The following PPP2R5A variants were observed in gnomAD, a reference collection of about 807,000 sequenced individuals.
PPP2R5A encodes serine/threonine-protein phosphatase 2A 56 kDa regulatory subunit alpha isoform.
In PPP2R5A, 25 loss-of-function variants were observed where a neutral mutation model predicts 64.2. The observed-to-expected ratio is 0.39, with a 90% CI of 0.28 to 0.54. The LOEUF (loss-of-function observed/expected upper bound fraction) is 0.54. PPP2R5A is among the 20% of genes least tolerant of loss of function. The pLI is 0.67. For missense variants in PPP2R5A, 425 were observed against 576.3 expected, an observed-to-expected ratio of 0.74 and a Z score of 2.69; for synonymous variants, 198 against 201.2, an observed-to-expected ratio of 0.98 and a Z score of 0.13.
rs1659174609 is a variant in PPP2R5A at position 212,317,314 on chromosome 1, A to AC, written c.182-11820dup. Among the ~76,000 whole-genome samples, 3 of 146,260 alleles carry AC rather than the reference A, an allele frequency of 2.1e-5. No homozygotes were observed. The Admixed American group carries it at 2.1e-4, about 10-fold the overall frequency. ...AAATTGCCATTTTTAACTGATATGTACTGTGAATCTCTAATGGGTAACGAT... is the reference window on the plus strand; with the variant it reads ...AAATTGCCATTTTTAACTGATATGTACCTGTGAATCTCTAATGGGTAACGAT... On this transcript the variant is annotated intron_variant, in intron 1 of 12. Transcript: ENST00000261461.
intron 12 of PPP2R5A, among the ~76,000 whole-genome samples, 191 bp from the exon 13 acceptor site, chr1:212,360,447 C>T (rs1032279071): frequency 1.3e-5 from 2 of 152,124 alleles, no homozygotes; most frequent in Non-Finnish European, 2.9e-5. Flanking sequence ...ACAGGAGATG[C>T]ACAGACTCAG....
intron 5 of PPP2R5A, among the ~76,000 whole-genome samples, chr1:212,346,192 A>AGGTCTATGTACTGTATGTACGT (rs1441260779): frequency 3.3e-5 from 5 of 151,876 alleles, no homozygotes; most frequent in African/African-American, 4.8e-5. Context: ...AGTAGAGACA[A>AGGTCTATGTACTGTATGTACGT]GGTCTATGTA....
At chr1:212,321,138 G>A (rs1185888085) in intron 1 of PPP2R5A, among the ~76,000 whole-genome samples, 1 of 143,530 alleles carries the variant, frequency 7.0e-6, no homozygotes, top group Non-Finnish European at 1.5e-5. Context: ...CAGTAGGGGC[G>A]GCCGGCAGAG....
At chr1:212,335,126 T>C (rs1659570806) in intron 3 of PPP2R5A, among the ~76,000 whole-genome samples, 1 of 152,108 alleles carries the variant, frequency 6.6e-6, no homozygotes, top group African/African-American at 2.4e-5. Context: ...TTGCTGATTT[T>C]TTTTTAATTT....
chr1:212,348,685 C>A (rs986185648), intron 7 of PPP2R5A, among the ~76,000 whole-genome samples, 188 bp downstream of exon 7: 2 of 152,204 alleles, frequency 1.3e-5, no homozygotes, highest in Non-Finnish European at 2.9e-5. Context: ...TATTTAATTT[C>A]TATATCTACA....
At position 212,297,093 on chromosome 1, in the gene PPP2R5A, C is replaced by CCTCTTTTTTTTTTTTTT. The variant is rs1558138694; in HGVS notation, c.181+10802_181+10803insCTCTTTTTTTTTTTTTT. ...ACGTTTCTTTTCTTTTTCTTTGCTT[C>CCTCTTTTTTTTTTTTTT]TTCTTTTTTTTTTTTTTTTTTTTTT... On this transcript the variant is annotated intron_variant, in intron 1 of 12. Transcript: ENST00000261461. Among the ~76,000 whole-genome samples the CCTCTTTTTTTTTTTTTT allele has an allele frequency of 3.7e-5, 3 of 81,916 alleles. 1 individual carries two copies. Among genetic ancestry groups the CCTCTTTTTTTTTTTTTT allele is most frequent in the African/African-American group, 1.5e-4 (3 of 19,982 alleles). The allele number at this position is 81,916 out of a possible 152,430, so 53.7% of individuals were successfully genotyped here.
At chr1:212,336,768 A>C (rs79610470) in intron 3 of PPP2R5A, among the ~76,000 whole-genome samples, 6,835 of 152,286 alleles carry the variant, frequency 0.045, 244 homozygotes, top group Non-Finnish European at 0.07. Flanking sequence ...AAATTTGCTC[A>C]ATGAAAGTTT....
intron 2 of PPP2R5A, among the ~76,000 whole-genome samples, chr1:212,332,221 G>A (rs904157853): frequency 2.6e-5 from 4 of 152,112 alleles, no homozygotes; most frequent in Non-Finnish European, 5.9e-5. Context: ...AAGTCTTAAC[G>A]GTTACAGTAA....
chr1:212,324,194 C>G (rs951262417), intron 1 of PPP2R5A, among the ~76,000 whole-genome samples: 7 of 152,148 alleles, frequency 4.6e-5, no homozygotes, highest in Non-Finnish European at 8.8e-5. Context: ...ATAGAGTATA[C>G]TTCCACAAAC....
chr1:212,328,607 G>A (rs972146902), intron 1 of PPP2R5A, among the ~76,000 whole-genome samples: 5 of 152,092 alleles, frequency 3.3e-5, no homozygotes, highest in African/African-American at 9.7e-5. Context: ...TGAACACACC[G>A]ATTCTCATTT....
intron 1 of PPP2R5A, among the ~76,000 whole-genome samples, chr1:212,320,018 A>T (rs1659240208): frequency 1.4e-5 from 2 of 145,020 alleles, no homozygotes; most frequent in African/African-American, 2.6e-5. Flanking sequence ...GCAGGGTCAC[A>T]GGACAATAGT....
At chr1:212,295,599 A>G (rs988607951) in intron 1 of PPP2R5A, among the ~76,000 whole-genome samples, 10 of 152,176 alleles carry the variant, frequency 6.6e-5, no homozygotes, top group Non-Finnish European at 1.3e-4. Flanking sequence ...GATAATGGGT[A>G]AGGGAAAAAG....
intron 1 of PPP2R5A, among the ~76,000 whole-genome samples, chr1:212,308,489 A>G (rs1489428480): frequency 2.0e-5 from 3 of 150,978 alleles, no homozygotes; most frequent in Non-Finnish European, 4.4e-5. Context: ...GCTCACTGCA[A>G]CCTGTGCCTC....
In PPP2R5A at chr1:212,286,125, G is replaced by A; in HGVS notation, c.15G>A (p.Ser5=). 1.3e-6 allele frequency: 2 copies of A among 1,579,070 alleles called. No homozygotes were observed. Among genetic ancestry groups the A allele is most frequent in the Non-Finnish European group, 1.7e-6 (2 of 1,165,946 alleles). Reference sequence around the variant, plus strand: ...GGGCCGCGGAGATGTCGTCGTCGTCGCCGCCGGCGGGGGCTGCCAGCGCCG... The same window carrying A: ...GGGCCGCGGAGATGTCGTCGTCGTCACCGCCGGCGGGGGCTGCCAGCGCCG... MSSS[S]PPAGAASAAI... The change falls in exon 1 of 13, where the codon TCG becomes TCA. Residue 5 remains serine (S), a synonymous_variant. Coordinates refer to ENST00000261461, the MANE Select transcript of PPP2R5A (RefSeq NM_006243.4).
At chr1:212,316,858 G>A (rs17018922) in intron 1 of PPP2R5A, among the ~76,000 whole-genome samples, 1 of 151,944 alleles carries the variant, frequency 6.6e-6, no homozygotes, top group Non-Finnish European at 1.5e-5. Context: ...ATGCTGGAAT[G>A]TAGGAACCTC....
In PPP2R5A at chr1:212,342,199, A is replaced by C. The variant is rs778096953; in HGVS notation, c.492A>C (p.Glu164Asp). ...ASWPHIQLVY[E>D]FFLRFLESPD... Reference sequence around the variant, plus strand: ...ACTTTCTCTCATAGTTGGTATATGAATTCTTCTTGAGATTTTTGGAGAGCC... The same window carrying C: ...ACTTTCTCTCATAGTTGGTATATGACTTCTTCTTGAGATTTTTGGAGAGCC... Residue 164 changes from glutamate (E) to aspartate (D), a missense_variant, in exon 4 of 13, where the codon GAA becomes GAC. By Grantham distance (45) the Glu-to-Asp change is conservative. Transcript: ENST00000261461. The C allele has an allele frequency of 1.2e-6, 2 of 1,613,524 alleles. No individual in the cohort carries two copies. The highest frequency in any genetic ancestry group is 1.7e-6 in the Non-Finnish European group (2 of 1,179,700).
intron 12 of PPP2R5A, among the ~76,000 whole-genome samples, chr1:212,360,187 GGTTAGTGGCTAGAGATGTGGCT>G (rs1400631713): frequency 6.6e-6 from 1 of 152,174 alleles, no homozygotes; most frequent in Non-Finnish European, 1.5e-5. Flanking sequence ...GATACAAACT[GGTTAGTGGCTAGAGATGTGGCT>G]GTTAGTGGCA....
intron 6 of PPP2R5A, 39 bp downstream of exon 6, chr1:212,347,445 A>C: frequency 6.9e-7 from 1 of 1,439,534 alleles, no homozygotes; most frequent in South Asian, 1.2e-5. Context: ...GAATTAAGTA[A>C]GTGAATGTTT....
chr1:212,332,112 A>C (rs1659515696), intron 2 of PPP2R5A, among the ~76,000 whole-genome samples: 1 of 152,086 alleles, frequency 6.6e-6, no homozygotes, highest in African/African-American at 2.4e-5. Flanking sequence ...GCTTGCTGCT[A>C]CTCTTTGTGA....
Sources: allele counts gnomAD v4.1 joint callset (sites outside exome capture counted in the v4.1 genomes callset), GRCh38; gene constraint gnomAD v4.1.1; transcripts MANE v1.5; gene names NCBI Gene and HGNC (gene_info 2026-07-23, HGNC 2026-07-21).